The following RRAS2 variants were observed in gnomAD, a reference collection of about 807,000 sequenced individuals.
RRAS2 encodes the protein RAS related 2.
Under a neutral mutation model 27.6 loss-of-function variants are expected in RRAS2, and 7 were observed. That is an observed-to-expected ratio of 0.25 (90% confidence interval 0.14 to 0.48). The LOEUF is 0.48. Among genes scored for constraint, RRAS2 ranks in the 20% least tolerant of loss-of-function variants. The pLI is 0.99. For synonymous variants in RRAS2, 86 were observed against 90.9 expected (o/e 0.95, Z 0.31); for missense variants, 178 against 256.2 (o/e 0.69, Z 2.08).
Position 14,347,144 on chromosome 11 carries a change from C to T in RRAS2, c.108+11619G>A, listed in dbSNP as rs535899593. 7.9e-5 allele frequency among the ~76,000 whole-genome samples: 12 copies of T among 152,244 alleles called. No homozygotes were observed. In the East Asian group the frequency reaches 2.3e-3, roughly 29 times the overall value. ...TGCCACTGCACTCCCGCTTGGACAA[C>T]AGAGCAAGACCCTGTCTCTAAATAA... is the stretch of plus-strand genomic sequence containing the variant. On this transcript the variant is annotated intron_variant, in intron 1 of 5. Transcript: ENST00000256196.
intron 3 of RRAS2, 59 bp downstream of exon 3, chr11:14,294,701 C>A: frequency 6.4e-7 from 1 of 1,555,028 alleles, no homozygotes; most frequent in South Asian, 1.2e-5. Flanking sequence ...AGTCCAAACT[C>A]AATAAAGTCT....
intron 1 of RRAS2, among the ~76,000 whole-genome samples, chr11:14,352,510 C>T (rs1016369584): frequency 2.0e-5 from 3 of 152,002 alleles, no homozygotes; most frequent in Admixed American, 1.3e-4. Context: ...GCAGCTCTGC[C>T]CAAAGTAATT....
chr11:14,293,299 C>T (rs577893281), intron 4 of RRAS2, among the ~76,000 whole-genome samples: 2 of 151,354 alleles, frequency 1.3e-5, no homozygotes, highest in Non-Finnish European at 1.5e-5. Context: ...CTGATGTTTA[C>T]ACTTTTCCAA....
intron 1 of RRAS2, among the ~76,000 whole-genome samples, chr11:14,356,007 T>A (rs1849065229): frequency 6.6e-6 from 1 of 152,238 alleles, no homozygotes; most frequent in African/African-American, 2.4e-5. Flanking sequence ...TACTACAGAC[T>A]GTACTAGACA....
At chr11:14,356,953 A>G (rs1849090386) in intron 1 of RRAS2, among the ~76,000 whole-genome samples, 1 of 151,932 alleles carries the variant, frequency 6.6e-6, no homozygotes, top group South Asian at 2.1e-4. Context: ...ATGCCCGGCT[A>G]ATTTTTGTAT....
At chr11:14,337,968 C>T (rs896137415) in intron 1 of RRAS2, among the ~76,000 whole-genome samples, 3 of 151,844 alleles carry the variant, frequency 2.0e-5, no homozygotes, top group Non-Finnish European at 2.9e-5. Context: ...ACATGGTTAG[C>T]AAAAATATGG....
At chr11:14,359,204 G>A (rs1849154517), upstream of RRAS2, 1 of 983,646 alleles carries the variant, frequency 1.0e-6, no homozygotes, top group Non-Finnish European at 1.2e-6. Context: ...CTGCCAGGCT[G>A]AGGTGCTGCA....
intron 1 of RRAS2, among the ~76,000 whole-genome samples, chr11:14,303,471 T>C (rs2133973960): frequency 6.6e-6 from 1 of 152,282 alleles, no homozygotes. Context: ...ACACAACAGT[T>C]CATGCCTGTA....
intron 1 of RRAS2, among the ~76,000 whole-genome samples, chr11:14,344,235 C>G (rs913613485): frequency 5.3e-5 from 8 of 152,166 alleles, no homozygotes; most frequent in Non-Finnish European, 8.8e-5. Context: ...TCATGTAGTA[C>G]TCAAGCTACT....
chr11:14,312,182 C>T (rs1847986086), intron 1 of RRAS2, among the ~76,000 whole-genome samples: 1 of 151,860 alleles, frequency 6.6e-6, no homozygotes, highest in African/African-American at 2.4e-5. Context: ...CTCTTAATAG[C>T]CTAAATATCC....
chr11:14,329,038 CAT>C (rs1193333400), intron 1 of RRAS2, among the ~76,000 whole-genome samples: 200 of 145,196 alleles, frequency 1.4e-3, no homozygotes, highest in Non-Finnish European at 2.5e-3. Context: ...TACACACACA[CAT>C]ATATATGTAT....
intron 1 of RRAS2, among the ~76,000 whole-genome samples, chr11:14,318,635 G>A (rs1364819494): frequency 6.6e-6 from 1 of 152,156 alleles, no homozygotes; most frequent in African/African-American, 2.4e-5. Flanking sequence ...GCCAGGTGCA[G>A]CACTACCTGT....
chr11:14,359,604 G>C (rs1849161536), upstream of RRAS2, among the ~76,000 whole-genome samples: 2 of 152,166 alleles, frequency 1.3e-5, no homozygotes, highest in African/African-American at 4.8e-5. Flanking sequence ...AGTGTGTGAT[G>C]GGCTGGTGGT....
chr11:14,282,626 C>A (rs781996516), intron 4 of RRAS2, among the ~76,000 whole-genome samples: 80 of 149,448 alleles, frequency 5.4e-4, no homozygotes, highest in Non-Finnish European at 8.9e-4. Context: ...AAAGTAAACA[C>A]CTGATGAAAA....
rs567501625 is a variant in RRAS2 at position 14,344,572 on chromosome 11, T to C, written c.108+14191A>G. On this transcript the variant is annotated intron_variant, in intron 1 of 5. Coordinates refer to ENST00000256196, the MANE Select transcript of RRAS2 (RefSeq NM_012250.6). Reference sequence around the variant, plus strand: ...TCCTCTGCAGTTTGACTTGACTACCTGCTTAGCTTTCCTTTCAGCTCGCAT... The same window carrying C: ...TCCTCTGCAGTTTGACTTGACTACCCGCTTAGCTTTCCTTTCAGCTCGCAT... 3.3e-5 allele frequency among the ~76,000 whole-genome samples: 5 copies of C among 152,368 alleles called. No homozygotes were observed. In the South Asian group the frequency reaches 1.0e-3, roughly 32 times the overall value.
intron 1 of RRAS2, among the ~76,000 whole-genome samples, chr11:14,328,366 CAAAAAAAAAAAA>C (rs71041596): frequency 4.4e-5 from 3 of 67,716 alleles, no homozygotes; most frequent in Admixed American, 1.9e-4. Context: ...AACTCCAACT[CAAAAAAAAAAAA>C]AAAAAAAAAG....
At chr11:14,282,699 T>G (rs544124686) in intron 4 of RRAS2, among the ~76,000 whole-genome samples, 1 of 152,088 alleles carries the variant, frequency 6.6e-6, no homozygotes, top group Non-Finnish European at 1.5e-5. Context: ...CTATCAACCA[T>G]AGAGAATCAT....
intron 1 of RRAS2, among the ~76,000 whole-genome samples, chr11:14,349,941 G>T (rs1363778688): frequency 2.0e-5 from 3 of 152,128 alleles, no homozygotes; most frequent in African/African-American, 7.2e-5. Context: ...TACTCAGTAT[G>T]TGAAACATTA....
chr11:14,311,263 G>C (rs1847958508), intron 1 of RRAS2, among the ~76,000 whole-genome samples: 2 of 152,214 alleles, frequency 1.3e-5, no homozygotes, highest in Non-Finnish European at 2.9e-5. Flanking sequence ...AGGACCACTT[G>C]AGCCCAGCAG....
Sources: allele counts gnomAD v4.1 joint callset (sites outside exome capture counted in the v4.1 genomes callset), GRCh38; gene constraint gnomAD v4.1.1; transcripts MANE v1.5; gene names NCBI Gene and HGNC (gene_info 2026-07-23, HGNC 2026-07-21).